Variants in FBXW11 observed in about 807,000 individuals in gnomAD.
The protein encoded by FBXW11 is F-box and WD repeat domain containing 11, also known as F-box/WD repeat-containing protein 11.
FBXW11 carries 19 observed loss-of-function variants against 77.6 expected under a neutral mutation model. The ratio of observed to expected loss-of-function variants is 0.24; its 90% CI spans 0.17 to 0.36. The LOEUF (loss-of-function observed/expected upper bound fraction) is 0.36, where lower values mean the gene tolerates loss of function less well. FBXW11 is among the 10% of genes least tolerant of loss of function. The probability of loss-of-function intolerance (pLI) is 1.00; values close to 1 mark genes in which losing one functional copy is unlikely to be tolerated. For synonymous variants in FBXW11, 235 were observed against 249.4 expected (o/e 0.94, Z 0.54); for missense variants, 334 against 704.2 (o/e 0.47, Z 5.95).
At chr5:171,992,723 TACC>T (rs1279499033) in intron 1 of FBXW11, among the ~76,000 whole-genome samples, 1 of 152,050 alleles carries the variant, frequency 6.6e-6, no homozygotes, top group Non-Finnish European at 1.5e-5. Context: ...TCTAGTCAGC[TACC>T]ACTGCACCTA....
chr5:171,972,913 A>C (rs898806411), intron 1 of FBXW11, among the ~76,000 whole-genome samples: 4 of 152,222 alleles, frequency 2.6e-5, no homozygotes, highest in Non-Finnish European at 5.9e-5. Context: ...GCAAACTAAC[A>C]ACCACCTGTG....
chr5:171,960,444 C>T (rs548811905), intron 1 of FBXW11, among the ~76,000 whole-genome samples: 13 of 152,114 alleles, frequency 8.5e-5, no homozygotes, highest in Admixed American at 3.9e-4. Context: ...AAAGCTCATA[C>T]GTAAATCAAT....
At chr5:171,954,613 G>A (rs1236700308) in intron 2 of FBXW11, among the ~76,000 whole-genome samples, 1 of 152,176 alleles carries the variant, frequency 6.6e-6, no homozygotes, top group African/African-American at 2.4e-5. Flanking sequence ...AGTTCAGCTT[G>A]GTTGAGAGAT....
intron 2 of FBXW11, among the ~76,000 whole-genome samples, chr5:171,931,854 T>TCCCC (rs1561696406): frequency 1.2e-4 from 1 of 8,376 alleles, no homozygotes; most frequent in African/African-American, 5.4e-4. Context: ...CCTCCCTCCC[T>TCCCC]CCCTCCCTCT....
intron 7 of FBXW11, 75 bp from the exon 8 acceptor site, chr5:171,878,204 G>A: frequency 9.9e-7 from 1 of 1,015,226 alleles, no homozygotes; most frequent in Non-Finnish European, 1.5e-6. Context: ...CCCACCTTAT[G>A]TTCTGATTAT....
intron 2 of FBXW11, among the ~76,000 whole-genome samples, chr5:171,915,613 CTGTGTGTGTGTGTGTGTG>C (rs200618306): frequency 2.3e-5 from 3 of 129,524 alleles, no homozygotes; most frequent in African/African-American, 5.5e-5. Context: ...GTCACTCATT[CTGTGTGTGTGTGTGTGTG>C]TGTGTGTGTG....
At chr5:171,971,487 T>C (rs982126528) in intron 1 of FBXW11, among the ~76,000 whole-genome samples, 1 of 152,236 alleles carries the variant, frequency 6.6e-6, no homozygotes, top group African/African-American at 2.4e-5. Flanking sequence ...CCTTTCATCT[T>C]CATTTTCCCA....
intron 7 of FBXW11, among the ~76,000 whole-genome samples, chr5:171,884,526 T>C (rs1479445603): frequency 6.6e-6 from 1 of 152,230 alleles, no homozygotes; most frequent in East Asian, 1.9e-4. Context: ...CTACATGGGC[T>C]CTTTTTTGGT....
intron 7 of FBXW11, among the ~76,000 whole-genome samples, chr5:171,884,263 C>T (rs1349864863): frequency 1.3e-5 from 2 of 152,170 alleles, no homozygotes; most frequent in Non-Finnish European, 2.9e-5. Context: ...ATGTGGCTTG[C>T]CAATTATCCC....
intron 8 of FBXW11, 135 bp downstream of exon 8, chr5:171,877,876 T>C (rs1320570238): frequency 2.8e-6 from 2 of 703,760 alleles, no homozygotes; most frequent in Non-Finnish European, 4.9e-6. Flanking sequence ...CGCAAACATG[T>C]CTACAATAAA....
At chr5:171,920,700 TA>T (rs573916171) in intron 2 of FBXW11, among the ~76,000 whole-genome samples, 1 of 151,962 alleles carries the variant, frequency 6.6e-6, no homozygotes, top group Non-Finnish European at 1.5e-5. Context: ...TTCATCTCTA[TA>T]AAAAAGCAAT....
intron 1 of FBXW11, chr5:171,996,918 C>T (rs1465440871): frequency 8.5e-6 from 11 of 1,289,436 alleles, no homozygotes; most frequent in South Asian, 4.9e-5. Flanking sequence ...TTCAGATCCA[C>T]CAATCCAGAA....
chr5:171,967,887 C>T (rs6884302), intron 1 of FBXW11, among the ~76,000 whole-genome samples: 1,383 of 117,796 alleles, frequency 0.012, 31 homozygotes, highest in African/African-American at 0.063. Context: ...TATATATACA[C>T]ACACACACAC....
At chr5:171,884,971 T>C (rs144325960) in intron 7 of FBXW11, among the ~76,000 whole-genome samples, 1 of 152,338 alleles carries the variant, frequency 6.6e-6, no homozygotes, top group East Asian at 1.9e-4. Context: ...AAGCGTTCTA[T>C]AGTTCCATGA....
intron 2 of FBXW11, among the ~76,000 whole-genome samples, chr5:171,920,281 G>A (rs1761516144): frequency 6.6e-6 from 1 of 152,140 alleles, no homozygotes; most frequent in African/African-American, 2.4e-5. Context: ...TGACTGGTTT[G>A]GATGGTGTCT....
rs1426313381 is a variant in FBXW11 at position 171,896,172 on chromosome 5, G to C, written c.714+2832C>G. On this transcript the variant is annotated intron_variant, in intron 6 of 13. Transcript: ENST00000517395. ...TTTCTCCTCATCAGAGCCAAATCTGGGAACGTACAGATTACAGGAGCTGGC... is the reference window on the plus strand; with the variant it reads ...TTTCTCCTCATCAGAGCCAAATCTGCGAACGTACAGATTACAGGAGCTGGC... Among the ~76,000 whole-genome samples the C allele has an allele frequency of 6.0e-4, 91 of 152,066 alleles. 1 individual carries two copies. Among genetic ancestry groups the C allele is most frequent in the Non-Finnish European group, 5.9e-5 (4 of 68,016 alleles).
chr5:171,988,613 G>C (rs1441872652), intron 1 of FBXW11, among the ~76,000 whole-genome samples: 1 of 152,124 alleles, frequency 6.6e-6, no homozygotes, highest in Non-Finnish European at 1.5e-5. Flanking sequence ...GGGAGGCCAA[G>C]GCAGGCAGAT....
chr5:171,913,864 C>T (rs948706018), intron 3 of FBXW11, among the ~76,000 whole-genome samples: 4 of 150,414 alleles, frequency 2.7e-5, no homozygotes, highest in Non-Finnish European at 5.9e-5. Flanking sequence ...CACACACACA[C>T]ACACACACAC....
At chr5:171,926,428 C>T (rs891803382) in intron 2 of FBXW11, among the ~76,000 whole-genome samples, 2 of 152,166 alleles carry the variant, frequency 1.3e-5, no homozygotes, top group African/African-American at 4.8e-5. Context: ...AATTGTAATC[C>T]CCATTGTTGA....
Sources: gnomAD v4.1 joint callset for allele counts (sites outside exome capture counted in the v4.1 genomes callset) on GRCh38, gnomAD v4.1.1 for gene constraint, MANE v1.5 for transcripts, NCBI Gene and HGNC (gene_info 2026-07-23, HGNC 2026-07-21) for gene names.